SUGCT: variants seen among roughly 807,000 people sequenced by gnomAD.
SUGCT encodes succinyl-CoA:glutarate-CoA transferase, also known as succinyl-CoA:glutarate CoA-transferase.
In SUGCT, 41 loss-of-function variants were observed where a neutral mutation model predicts 55.0. That is an observed-to-expected ratio of 0.74 (90% confidence interval 0.58 to 0.97). The LOEUF (loss-of-function observed/expected upper bound fraction) is 0.97, where lower values mean the gene tolerates loss of function less well. Ranked by LOEUF, SUGCT falls within the 50% of genes least tolerant of loss-of-function variation. The pLI is 0.00. For missense variants in SUGCT, 568 were observed against 547.8 expected, an observed-to-expected ratio of 1.04 and a Z score of -0.37; for synonymous variants, 187 against 200.4, an observed-to-expected ratio of 0.93 and a Z score of 0.56.
rs370557777 is a variant in SUGCT, at chr7:40,460,383, C to T, written c.986+1185C>T. 3.9e-5 allele frequency among the ~76,000 whole-genome samples: 6 copies of T among 152,230 alleles called. No homozygotes were observed. In the East Asian group the frequency reaches 5.8e-4, roughly 15 times the overall value. Reference sequence around the variant, plus strand: ...TAGTTAAATATAACTCTGATTCTACCGCGAAGCCCCAGAGCCCTCAATGAT... The same window carrying T: ...TAGTTAAATATAACTCTGATTCTACTGCGAAGCCCCAGAGCCCTCAATGAT... On this transcript the variant is annotated intron_variant, in intron 11 of 13. Transcript: ENST00000335693.
the SUGCT span, among the ~76,000 whole-genome samples, chr7:40,884,335 T>G: frequency 6.6e-6 from 1 of 152,322 alleles, no homozygotes; most frequent in South Asian, 2.1e-4. Context: ...GAAAAACATG[T>G]TCAGGCTTCC....
chr7:40,135,202 A>G, intron 1 of SUGCT, 82 bp downstream of exon 1: 5 of 1,430,028 alleles, frequency 3.5e-6, no homozygotes, highest in Non-Finnish European at 4.7e-6. Flanking sequence ...GAGAGCAATT[A>G]GGGTCTGAAG....
At chr7:40,410,446 T>A (rs1786610178) in intron 9 of SUGCT, among the ~76,000 whole-genome samples, 1 of 152,202 alleles carries the variant, frequency 6.6e-6, no homozygotes, top group South Asian at 2.1e-4. Context: ...TTGATGTTTT[T>A]ATCTCAGTTA....
intron 9 of SUGCT, among the ~76,000 whole-genome samples, chr7:40,397,704 A>T (rs532416909): frequency 6.6e-6 from 1 of 152,334 alleles, no homozygotes. Context: ...ATGAAAATGT[A>T]TATAGAGACT....
chr7:40,355,970 A>G (rs188489538), intron 9 of SUGCT, among the ~76,000 whole-genome samples: 21 of 152,362 alleles, frequency 1.4e-4, no homozygotes, highest in African/African-American at 4.8e-4. Flanking sequence ...TTTACATGTC[A>G]TTACATTGCA....
At chr7:40,636,902 G>A (rs1366388882) in intron 12 of SUGCT, among the ~76,000 whole-genome samples, 3 of 152,170 alleles carry the variant, frequency 2.0e-5, no homozygotes, top group Non-Finnish European at 2.9e-5. Context: ...TATTCAGAAA[G>A]ATATCCCTAA....
intron 9 of SUGCT, among the ~76,000 whole-genome samples, chr7:40,377,203 CTTTTCTTTTCTTTCTT>C (rs1784626591): frequency 1.7e-4 from 2 of 11,954 alleles, no homozygotes; most frequent in Admixed American, 1.2e-3. Flanking sequence ...TCTTTCTTTT[CTTTTCTTTTCTTTCTT>C]TTCTTTCTTT....
chr7:40,960,561 A>G, the SUGCT span, among the ~76,000 whole-genome samples: 2 of 152,206 alleles, frequency 1.3e-5, no homozygotes, highest in Non-Finnish European at 2.9e-5. Flanking sequence ...TGCCCCATAG[A>G]TCTAAAAGAT....
At chr7:40,157,560 A>C (rs1183497502) in intron 1 of SUGCT, among the ~76,000 whole-genome samples, 3 of 152,234 alleles carry the variant, frequency 2.0e-5, no homozygotes, top group Non-Finnish European at 4.4e-5. Flanking sequence ...AAATATTTTT[A>C]ATGTAAAATA....
At chr7:40,423,266 C>T (rs76516055) in intron 9 of SUGCT, among the ~76,000 whole-genome samples, 1,809 of 152,214 alleles carry the variant, frequency 0.012, 7 homozygotes, top group Non-Finnish European at 0.017. Context: ...AATAGCTGGA[C>T]TTCCAAATAC....
chr7:40,241,454 A>G (rs1025529667), intron 7 of SUGCT, among the ~76,000 whole-genome samples: 9 of 150,922 alleles, frequency 6.0e-5, no homozygotes, highest in Non-Finnish European at 1.0e-4. Flanking sequence ...TGGCACATGC[A>G]TGTAATCCCA....
At position 40,612,004 on chromosome 7, in the gene SUGCT, T is replaced by TC. The variant is rs563132998; in HGVS notation, c.1089+115626dup. On this transcript the variant is annotated intron_variant, in intron 12 of 13. Transcript: ENST00000335693. ...TTAAAGCACTGTTAAAAACTTTGATTCCCCCCCCTTTTTTTTTTTACAACA... is the reference window on the plus strand; with the variant it reads ...TTAAAGCACTGTTAAAAACTTTGATTCCCCCCCCCTTTTTTTTTTTACAACA... 3.0e-3 allele frequency among the ~76,000 whole-genome samples: 445 copies of TC among 146,134 alleles called. 3 individuals carry two copies. The highest frequency in any genetic ancestry group is 2.7e-3 in the Admixed American group (40 of 14,626).
intron 12 of SUGCT, chr7:40,546,947 T>C (rs1795024715): frequency 1.3e-5 from 2 of 152,214 alleles, no homozygotes; most frequent in Admixed American, 1.3e-4. Context: ...ATCTTTTATG[T>C]ATTAGAGTTC....
chr7:40,294,523 C>T lies in SUGCT; in HGVS notation c.720+19867C>T, dbSNP rs372800834. Among the ~76,000 whole-genome samples, 37 of 152,222 alleles carry T rather than the reference C, an allele frequency of 2.4e-4. No individual in the cohort carries two copies. The East Asian group carries it at 6.6e-3, about 27-fold the overall frequency. ...CCAGTCTTTTAAATCATATTCACTT[C>T]CCATAGATGCGTTATGATGATGAAG... On this transcript the variant is annotated intron_variant, in intron 8 of 13. Coordinates refer to ENST00000335693, the MANE Select transcript of SUGCT (RefSeq NM_001193313.2).
chr7:40,790,414 A>G (rs376331263), intron 13 of SUGCT, among the ~76,000 whole-genome samples: 1 of 152,154 alleles, frequency 6.6e-6, no homozygotes, highest in Non-Finnish European at 1.5e-5. Flanking sequence ...TCCTTATTAA[A>G]TTATCCAGTC....
chr7:40,317,920 G>A (rs777276990), intron 9 of SUGCT, among the ~76,000 whole-genome samples: 1 of 152,108 alleles, frequency 6.6e-6, no homozygotes, highest in Admixed American at 6.5e-5. Flanking sequence ...ACATTGAGTT[G>A]ATCTTTAGGT....
At chr7:40,588,302 T>C (rs1393912120) in intron 12 of SUGCT, among the ~76,000 whole-genome samples, 1 of 152,064 alleles carries the variant, frequency 6.6e-6, no homozygotes, top group Non-Finnish European at 1.5e-5. Context: ...TACATATGTA[T>C]ACATGTGCCA....
At chr7:40,540,934 T>C (rs2151618137) in intron 12 of SUGCT, among the ~76,000 whole-genome samples, 1 of 152,350 alleles carries the variant, frequency 6.6e-6, no homozygotes, top group Middle Eastern at 3.4e-3. Flanking sequence ...TATGTAACTG[T>C]TCTCATCCAC....
the SUGCT span, among the ~76,000 whole-genome samples, chr7:40,988,462 C>A: frequency 6.6e-6 from 1 of 151,454 alleles, no homozygotes; most frequent in Non-Finnish European, 1.5e-5. Context: ...TTGAAGGAAT[C>A]TTTTATAGAT....
Sources: gnomAD v4.1 joint callset for allele counts (sites outside exome capture counted in the v4.1 genomes callset) on GRCh38, gnomAD v4.1.1 for gene constraint, MANE v1.5 for transcripts, NCBI Gene and HGNC (gene_info 2026-07-23, HGNC 2026-07-21) for gene names.